Variants in RAB11FIP4 observed in about 807,000 individuals in gnomAD.
RAB11FIP4 encodes the protein rab11 family-interacting protein 4.
In RAB11FIP4, 23 loss-of-function variants were observed where a neutral mutation model predicts 74.3. The ratio of observed to expected loss-of-function variants is 0.31; its 90% CI spans 0.22 to 0.44. The LOEUF (loss-of-function observed/expected upper bound fraction) is 0.44. Ranked by LOEUF, RAB11FIP4 falls within the 20% of genes least tolerant of loss-of-function variation. The pLI, the probability that RAB11FIP4 is intolerant of heterozygous loss-of-function variation, is 1.00. For missense variants in RAB11FIP4, 630 were observed against 863.9 expected, an observed-to-expected ratio of 0.73 and a Z score of 3.39; for synonymous variants, 360 against 359.9, an observed-to-expected ratio of 1.00 and a Z score of 0.00.
chr17:31,435,095 A>C (rs1255907512), intron 3 of RAB11FIP4, among the ~76,000 whole-genome samples: 1 of 152,164 alleles, frequency 6.6e-6, no homozygotes, highest in Non-Finnish European at 1.5e-5. Flanking sequence ...CTGAGGTGGG[A>C]GGAGCACTTG....
Position 31,528,044 on chromosome 17 carries a change from A to C in RAB11FIP4, c.1356+121A>C, listed in dbSNP as rs1253752011. 4.0e-6 allele frequency: 3 copies of C among 741,790 alleles called. No homozygotes were observed. In the African/African-American group the frequency reaches 5.4e-5, roughly 13 times the overall value. 46.0% of individuals were successfully genotyped at this position (741,790 alleles called of 1,614,324 possible). ...AGAAATGCAAAAAAAGTGAATAACA[A>C]CTTGTGTTTCTGTATTTCTGATTTT... On this transcript the variant is annotated intron_variant, in intron 11 of 14. Coordinates refer to ENST00000621161, the MANE Select transcript of RAB11FIP4 (RefSeq NM_032932.6).
rs72817718 is a variant in RAB11FIP4, at chr17:31,537,437, C to A, written c.*5705C>A. Reference sequence around the variant, plus strand: ...CTCCAGCCTGCAGCTAATTTAGGAGCCTTGCATTCCAGAAAAGGGCAACTT... The same window carrying A: ...CTCCAGCCTGCAGCTAATTTAGGAGACTTGCATTCCAGAAAAGGGCAACTT... On this transcript the variant is annotated 3_prime_UTR_variant, in exon 15 of 15. Transcript: ENST00000621161. The A allele has an allele frequency of 0.051, 19,770 of 385,684 alleles. 655 individuals carry two copies. Among genetic ancestry groups the A allele is most frequent in the Non-Finnish European group, 0.061 (13,209 of 217,994 alleles). 23.9% of individuals were successfully genotyped at this position (385,684 alleles called of 1,614,324 possible).
intron 3 of RAB11FIP4, among the ~76,000 whole-genome samples, chr17:31,459,312 C>A (rs904152883): frequency 4.6e-5 from 7 of 152,074 alleles, no homozygotes; most frequent in African/African-American, 1.7e-4. Flanking sequence ...AAGCACTTAA[C>A]CTCTCTGAGT....
At chr17:31,433,089 T>A (rs139445792) in intron 2 of RAB11FIP4, among the ~76,000 whole-genome samples, 1,599 of 152,164 alleles carry the variant, frequency 0.011, 32 homozygotes, top group African/African-American at 0.034. Flanking sequence ...GAGGCTGCAG[T>A]GAGCTGAGGT....
intron 3 of RAB11FIP4, among the ~76,000 whole-genome samples, chr17:31,459,752 C>G (rs919033787): frequency 2.1e-5 from 3 of 145,944 alleles, no homozygotes; most frequent in Non-Finnish European, 4.6e-5. Context: ...CCCCTCCCCC[C>G]ACCCAAAGCA....
intron 3 of RAB11FIP4, among the ~76,000 whole-genome samples, chr17:31,511,560 T>C (rs915771248): frequency 1.3e-5 from 2 of 152,202 alleles, no homozygotes; most frequent in Non-Finnish European, 2.9e-5. Context: ...TAAATCCCCA[T>C]AGCTACCCAC....
At chr17:31,418,530 C>A (rs2071169696) in intron 1 of RAB11FIP4, among the ~76,000 whole-genome samples, 1 of 130,372 alleles carries the variant, frequency 7.7e-6, no homozygotes, top group South Asian at 2.4e-4. Flanking sequence ...GTGGCACAAT[C>A]ACAGTTCACT....
intron 1 of RAB11FIP4, among the ~76,000 whole-genome samples, chr17:31,410,218 G>T (rs1023570666): frequency 6.6e-6 from 1 of 152,044 alleles, no homozygotes; most frequent in Non-Finnish European, 1.5e-5. Flanking sequence ...GAAGTTCTGC[G>T]CTGGTTATAG....
At position 31,512,103 on chromosome 17, in the gene RAB11FIP4, G is replaced by A. The variant is rs148659704; in HGVS notation, c.337-5548G>A. On this transcript the variant is annotated intron_variant, in intron 3 of 14. Transcript: ENST00000621161. The surrounding 1 kb of genome is among the most constrained non-coding windows in gnomAD (Gnocchi z 4.1). The stretch of plus-strand genomic sequence containing the variant: ...CTTGGCTTCTCTGAGGAGGGTGGGC[G>A]TCCCTCCTGGCTGCTCGTCTGTCCA... Among the ~76,000 whole-genome samples, 175 of 152,298 alleles carry A rather than the reference G, an allele frequency of 1.1e-3. 1 individual carries two copies. The highest frequency in any genetic ancestry group is 3.7e-3 in the South Asian group (18 of 4,830).
intron 3 of RAB11FIP4, among the ~76,000 whole-genome samples, chr17:31,487,641 G>A (rs2071920374): frequency 6.6e-6 from 1 of 152,148 alleles, no homozygotes; most frequent in African/African-American, 2.4e-5. Flanking sequence ...CGGACCGTGT[G>A]GGGCGGGGTG....
At position 31,455,510 on chromosome 17, in the gene RAB11FIP4, G is replaced by A. The variant is rs140705169; in HGVS notation, c.336+21388G>A. Among the ~76,000 whole-genome samples, 319 of 152,254 alleles carry A rather than the reference G, an allele frequency of 2.1e-3. 2 individuals are homozygous for A. Among genetic ancestry groups the A allele is most frequent in the African/African-American group, 7.5e-3 (310 of 41,544 alleles). Reference sequence around the variant, plus strand: ...AAAATAATCCTTATGCCAAAGTGGCGTATTGCAGGGTGGCATATTTGGATC... The same window carrying A: ...AAAATAATCCTTATGCCAAAGTGGCATATTGCAGGGTGGCATATTTGGATC... On this transcript the variant is annotated intron_variant, in intron 3 of 14. Transcript: ENST00000621161.
In RAB11FIP4 at chr17:31,528,302, C is replaced by A. The variant is rs547198016; in HGVS notation, c.1357-104C>A. 7.6e-6 allele frequency: 10 copies of A among 1,319,894 alleles called. No individual in the cohort carries two copies. The African/African-American group carries it at 1.3e-4, about 17-fold the overall frequency. 81.8% of individuals were successfully genotyped at this position (1,319,894 alleles called of 1,614,324 possible). ...GTCTAAGGGAGCTGGTTTCACTGTG[C>A]ATCTGCCTCGTGAAGATGGCTGACC... On this transcript the variant is annotated intron_variant, in intron 11 of 14. Coordinates refer to ENST00000621161, the MANE Select transcript of RAB11FIP4 (RefSeq NM_032932.6).
intron 1 of RAB11FIP4, among the ~76,000 whole-genome samples, chr17:31,426,870 G>T (rs892779944): frequency 3.9e-5 from 6 of 152,098 alleles, no homozygotes; most frequent in Non-Finnish European, 5.9e-5. Context: ...AAAGTGCTGG[G>T]ATTACGGGCG....
intron 3 of RAB11FIP4, among the ~76,000 whole-genome samples, chr17:31,489,298 C>A (rs1485591324): frequency 6.6e-6 from 1 of 152,156 alleles, no homozygotes. Flanking sequence ...TTAGAACATC[C>A]CCAGGTCCTG....
chr17:31,537,542 C>A lies in RAB11FIP4; in HGVS notation c.*5810C>A. The A allele has an allele frequency of 4.5e-6, 1 of 220,194 alleles. No individual in the cohort carries two copies. Among genetic ancestry groups the A allele is most frequent in the Non-Finnish European group, 8.9e-6 (1 of 112,228 alleles). The allele number at this position is 220,194 out of a possible 1,614,324, so 13.6% of individuals were successfully genotyped here. A position where few individuals can be genotyped will look rare whatever the true frequency, so the allele number is the denominator to read the frequency against. On this transcript the variant is annotated 3_prime_UTR_variant, in exon 15 of 15. Transcript: ENST00000621161. ...CAAAGCATCACTCTTTAACCTGGGG[C>A]ATTGGCCCCAGCAGGGATATCATGG... is the stretch of plus-strand genomic sequence containing the variant.
rs1468740747 is a variant in RAB11FIP4 at position 31,535,628 on chromosome 17, G to C, written c.*3896G>C. The stretch of plus-strand genomic sequence containing the variant: ...GTTGAATGGTCCTGGCCTGCAGGAT[G>C]GGAGGCCAGATGCCTTCAGGAGCTG... On this transcript the variant is annotated 3_prime_UTR_variant, in exon 15 of 15. Transcript: ENST00000621161. 1 of 152,284 alleles carries C rather than the reference G, an allele frequency of 6.6e-6. No homozygotes were observed. The highest frequency in any genetic ancestry group is 1.5e-5 in the Non-Finnish European group (1 of 68,082). The allele number at this position is 152,284 out of a possible 1,614,324, so 9.4% of individuals were successfully genotyped here. A position where few individuals can be genotyped will look rare whatever the true frequency, so the allele number is the denominator to read the frequency against.
chr17:31,392,693 G>T (rs568873384), intron 1 of RAB11FIP4: 4 of 152,584 alleles, frequency 2.6e-5, no homozygotes, highest in Admixed American at 2.0e-4. Context: ...CAGGACTTAC[G>T]TAGATTGTTA....
intron 3 of RAB11FIP4, among the ~76,000 whole-genome samples, chr17:31,441,993 C>T (rs1358488545): frequency 1.3e-5 from 2 of 151,530 alleles, no homozygotes; most frequent in Non-Finnish European, 2.9e-5. Flanking sequence ...TATTGTTGGG[C>T]GTATATACAC....
chr17:31,493,440 A>G (rs1394531666), intron 3 of RAB11FIP4, among the ~76,000 whole-genome samples: 2 of 151,468 alleles, frequency 1.3e-5, no homozygotes, highest in Non-Finnish European at 2.9e-5. Context: ...TGGAAAGGGA[A>G]CCCACATTTC....
Sources: allele counts gnomAD v4.1 joint callset (sites outside exome capture counted in the v4.1 genomes callset), GRCh38; gene constraint gnomAD v4.1.1; non-coding constraint Gnocchi (gnomAD v3.1); transcripts MANE v1.5; gene names NCBI Gene and HGNC (gene_info 2026-07-23, HGNC 2026-07-21).